SLF1: variants seen among roughly 807,000 people sequenced by gnomAD.
The protein encoded by SLF1 is SMC5/6 complex localization factor 1.
A neutral mutation model predicts 123.0 loss-of-function variants in SLF1; 105 were observed. The observed-to-expected ratio is 0.85, with a 90% CI of 0.73 to 1.00. The LOEUF is 1.00. Ranked by LOEUF, SLF1 falls within the 50% of genes least tolerant of loss-of-function variation. SLF1 has a pLI of 0.00. For missense variants in SLF1, 1,239 were observed against 1,223.0 expected (o/e 1.01, Z -0.20); for synonymous variants, 434 against 406.6 (o/e 1.07, Z -0.81).
chr5:94,651,876 T>C (rs1463578035), intron 7 of SLF1, 31 bp downstream of exon 7: 1 of 1,175,456 alleles, frequency 8.5e-7, no homozygotes, highest in East Asian at 2.9e-5. Context: ...AATAATTTAT[T>C]TTTAATATAT....
chr5:94,648,810 A>G (rs1271974292), intron 5 of SLF1, among the ~76,000 whole-genome samples: 1 of 152,212 alleles, frequency 6.6e-6, no homozygotes, highest in Non-Finnish European at 1.5e-5. Context: ...CATTTTGGGA[A>G]CTGTCATGAA....
At chr5:94,649,736 A>G (rs1030746271) in intron 6 of SLF1, 139 bp downstream of exon 6, 3 of 772,410 alleles carry the variant, frequency 3.9e-6, no homozygotes, top group Non-Finnish European at 3.7e-6. Context: ...TGTGACTTGA[A>G]CATGTTAGGA....
At chr5:94,651,880 AATAT>A in intron 7 of SLF1, 35 bp downstream of exon 7, 1 of 1,157,262 alleles carries the variant, frequency 8.6e-7, no homozygotes, top group South Asian at 2.0e-5. Context: ...ATTTATTTTT[AATAT>A]ATATAGTGTT....
At chr5:94,679,833 A>G (rs1212492080) in intron 15 of SLF1, among the ~76,000 whole-genome samples, 1 of 152,142 alleles carries the variant, frequency 6.6e-6, no homozygotes, top group Non-Finnish European at 1.5e-5. Context: ...GTTCTACCCA[A>G]TTCTTTGGGC....
chr5:94,690,825 A>G (rs563112064), intron 18 of SLF1, among the ~76,000 whole-genome samples: 16 of 152,060 alleles, frequency 1.1e-4, no homozygotes, highest in Admixed American at 2.0e-4. Flanking sequence ...GCCAGAAGGC[A>G]TTAATTGCGT....
chr5:94,634,168 A>T (rs543277927), intron 4 of SLF1, among the ~76,000 whole-genome samples: 1 of 152,184 alleles, frequency 6.6e-6, no homozygotes, highest in Non-Finnish European at 1.5e-5. Context: ...TGTTAGTCCT[A>T]TCAGCTTTTG....
chr5:94,669,320 T>C (rs1428671641), intron 12 of SLF1, among the ~76,000 whole-genome samples: 1 of 152,104 alleles, frequency 6.6e-6, no homozygotes, highest in Non-Finnish European at 1.5e-5. Flanking sequence ...CTCCTGAGAA[T>C]GTTGTATTAA....
At chr5:94,627,979 C>T (rs1000153765) in intron 1 of SLF1, among the ~76,000 whole-genome samples, 4 of 151,772 alleles carry the variant, frequency 2.6e-5, no homozygotes, top group African/African-American at 4.8e-5. Flanking sequence ...ACAGACGTGC[C>T]GCCACGCTGG....
rs909970458 is a variant in SLF1, at chr5:94,696,592, T to G, written c.*1280T>G. 1 of 151,852 alleles carries G rather than the reference T, an allele frequency of 6.6e-6. No individual in the cohort carries two copies. The highest frequency in any genetic ancestry group is 2.4e-5 in the African/African-American group (1 of 41,414). 9.4% of individuals were successfully genotyped at this position (151,852 alleles called of 1,614,324 possible). A position where few individuals can be genotyped will look rare whatever the true frequency, so the allele number is the denominator to read the frequency against. ...TATCTAAGAAGAGTTTAAATGCTTA[T>G]AGAGAGTAAAGTGCTTCTCCAGATG... On this transcript the variant is annotated 3_prime_UTR_variant, in exon 21 of 21. Coordinates refer to ENST00000265140, the MANE Select transcript of SLF1 (RefSeq NM_032290.4).
At chr5:94,646,240 C>G (rs1052302731) in intron 5 of SLF1, among the ~76,000 whole-genome samples, 1 of 152,106 alleles carries the variant, frequency 6.6e-6, no homozygotes, top group Non-Finnish European at 1.5e-5. Context: ...AGAGTGAGAC[C>G]TTGTCCCCCT....
chr5:94,626,306 T>C (rs1792239499), intron 1 of SLF1, among the ~76,000 whole-genome samples: 2 of 151,966 alleles, frequency 1.3e-5, no homozygotes, highest in Non-Finnish European at 2.9e-5. Flanking sequence ...GGGTTCCTTA[T>C]ACAAGAAGCT....
chr5:94,670,898 C>G lies in SLF1; in HGVS notation c.1717C>G (p.Leu573Val). The change falls in exon 14 of 21, where the codon CTT becomes GTT. Residue 573 changes from leucine to valine, a missense_variant. By Grantham distance (32) the Leu-to-Val change is conservative. Transcript: ENST00000265140. ...NLKITGKAML[L>V]EIFWSGSETS... Reference sequence around the variant, plus strand: ...GAAAATAACAGGAAAGGCAATGCTTCTTGAAATTTTTTGGTCAGGAAGTGA... The same window carrying G: ...GAAAATAACAGGAAAGGCAATGCTTGTTGAAATTTTTTGGTCAGGAAGTGA... 6.5e-7 allele frequency: 1 copy of G among 1,550,196 alleles called. No homozygotes were observed. The highest frequency in any genetic ancestry group is 8.7e-7 in the Non-Finnish European group (1 of 1,145,998).
At chr5:94,659,368 TTATTGTG>T (rs1434007513) in intron 9 of SLF1, among the ~76,000 whole-genome samples, 80 of 152,306 alleles carry the variant, frequency 5.3e-4, no homozygotes, top group African/African-American at 1.8e-3. Context: ...TGCTGGAGAA[TTATTGTG>T]TTCCTTTACA....
Position 94,695,596 on chromosome 5 carries a change from T to G in SLF1, c.*284T>G. 5.5e-6 allele frequency: 1 copy of G among 182,986 alleles called. No homozygotes were observed. The highest frequency in any genetic ancestry group is 1.1e-5 in the Non-Finnish European group (1 of 88,578). 11.3% of individuals were successfully genotyped at this position (182,986 alleles called of 1,614,324 possible). Reference sequence around the variant, plus strand: ...TTTTGTTCTGAAAGTGATATTATATTGTACATGTAAAATTAATTTAAATAT... The same window carrying G: ...TTTTGTTCTGAAAGTGATATTATATGGTACATGTAAAATTAATTTAAATAT... On this transcript the variant is annotated 3_prime_UTR_variant, in exon 21 of 21. Transcript: ENST00000265140.
At chr5:94,631,334 C>T (rs901865268) in intron 4 of SLF1, among the ~76,000 whole-genome samples, 7 of 151,910 alleles carry the variant, frequency 4.6e-5, no homozygotes, top group Admixed American at 2.6e-4. Context: ...ATTGATGCAC[C>T]CATGTTACCC....
chr5:94,674,331 G>C (rs1004686353), intron 14 of SLF1, among the ~76,000 whole-genome samples: 6 of 152,128 alleles, frequency 3.9e-5, no homozygotes, highest in Non-Finnish European at 7.4e-5. Context: ...TTAACTTGAA[G>C]ATTTTTGTTC....
At chr5:94,674,541 G>A (rs1306835537) in intron 14 of SLF1, among the ~76,000 whole-genome samples, 1 of 151,940 alleles carries the variant, frequency 6.6e-6, no homozygotes, top group African/African-American at 2.4e-5. Context: ...AATCTTTTTG[G>A]CAGTTTCCAG....
At chr5:94,687,391 G>A (rs183683121) in intron 16 of SLF1, among the ~76,000 whole-genome samples, 64 of 152,274 alleles carry the variant, frequency 4.2e-4, no homozygotes, top group Admixed American at 1.5e-3. Context: ...TGGGGGGAAG[G>A]TAATCACCAA....
At chr5:94,658,062 GACTT>G (rs922531935) in intron 9 of SLF1, among the ~76,000 whole-genome samples, 1 of 151,862 alleles carries the variant, frequency 6.6e-6, no homozygotes, top group African/African-American at 2.4e-5. Flanking sequence ...TATGGGTGAG[GACTT>G]ACTTGTGTTA....
Sources: allele counts gnomAD v4.1 joint callset (sites outside exome capture counted in the v4.1 genomes callset), GRCh38; gene constraint gnomAD v4.1.1; transcripts MANE v1.5; gene names NCBI Gene and HGNC (gene_info 2026-07-23, HGNC 2026-07-21).